Variants in OLFML2B observed in about 807,000 individuals in gnomAD.
The protein encoded by OLFML2B is olfactomedin like 2B, also known as olfactomedin-like protein 2B.
In OLFML2B, 57 loss-of-function variants were observed where a neutral mutation model predicts 74.9. That is an observed-to-expected ratio of 0.76 (90% confidence interval 0.61 to 0.95). The LOEUF (loss-of-function observed/expected upper bound fraction) is 0.95, where lower values mean the gene tolerates loss of function less well. Among genes scored for constraint, OLFML2B ranks in the 40% least tolerant of loss-of-function variants. OLFML2B has a pLI of 0.00. For synonymous variants in OLFML2B, 388 were observed against 405.8 expected (o/e 0.96, Z 0.53); for missense variants, 986 against 970.6 (o/e 1.02, Z -0.21).
At chr1:162,021,137 T>G (rs1017862916) in intron 1 of OLFML2B, among the ~76,000 whole-genome samples, 2 of 151,906 alleles carry the variant, frequency 1.3e-5, no homozygotes, top group Non-Finnish European at 2.9e-5. Context: ...CTTCGAGGAG[T>G]GGCATTTAAT....
rs1210312041 is a variant in OLFML2B, at chr1:161,998,191, G to T, written c.1108C>A (p.Pro370Thr). 6.2e-7 allele frequency: 1 copy of T among 1,614,076 alleles called. No individual in the cohort carries two copies. Among genetic ancestry groups the T allele is most frequent in the Admixed American group, 1.7e-5 (1 of 60,022 alleles). ...GGCTGTGGCAGTGCTGAGGACCAGG[G>T]TGCGGTCCGAGCGTTCAGGTCGCTT... ...VTSDLNARTA[P>T]WSSALPQPST... The change falls in exon 6 of 8, where the codon CCC becomes ACC. Residue 370 changes from proline to threonine, a missense_variant. Coordinates refer to ENST00000294794, the MANE Select transcript of OLFML2B (RefSeq NM_015441.3).
chr1:162,000,279 A>C lies in OLFML2B; in HGVS notation c.783T>G (p.Leu261=), dbSNP rs1690048018. ...GCAGAGCCAGGGGTCGCGTCTGCAG[A>C]AGTTCGATGGAGTTGATCTGCTGGG... is the stretch of plus-strand genomic sequence containing the variant. The part of the protein sequence containing the change: ...TVSQQINSIE[L]LQTRPLALPE... Residue 261 remains leucine (L), a synonymous_variant, in exon 5 of 8, where the codon CTT becomes CTG. Coordinates refer to ENST00000294794, the MANE Select transcript of OLFML2B (RefSeq NM_015441.3). The C allele has an allele frequency of 6.2e-7, 1 of 1,613,288 alleles. No homozygotes were observed. The highest frequency in any genetic ancestry group is 8.5e-7 in the Non-Finnish European group (1 of 1,180,004).
intron 3 of OLFML2B, among the ~76,000 whole-genome samples, chr1:162,013,164 C>T (rs980487881): frequency 6.6e-6 from 1 of 152,164 alleles, no homozygotes; most frequent in African/African-American, 2.4e-5. Flanking sequence ...TCTTTCTAGA[C>T]TTTTAACTCC....
At chr1:161,998,907 C>G (rs1690005013) in intron 5 of OLFML2B, among the ~76,000 whole-genome samples, 1 of 152,120 alleles carries the variant, frequency 6.6e-6, no homozygotes, top group Non-Finnish European at 1.5e-5. Context: ...GAGCAGCTGC[C>G]TGGAGGAGGT....
At chr1:162,006,862 C>A (rs1690249007) in intron 3 of OLFML2B, among the ~76,000 whole-genome samples, 1 of 152,130 alleles carries the variant, frequency 6.6e-6, no homozygotes, top group Non-Finnish European at 1.5e-5. Flanking sequence ...TACATCTGAA[C>A]CAGTAGCTCA....
intron 6 of OLFML2B, among the ~76,000 whole-genome samples, chr1:161,993,958 T>G (rs1263585247): frequency 6.6e-6 from 1 of 152,230 alleles, no homozygotes; most frequent in African/African-American, 2.4e-5. Context: ...GCTGTAGTGG[T>G]AGATGAATTA....
intron 6 of OLFML2B, among the ~76,000 whole-genome samples, chr1:161,997,412 A>G (rs1161224282): frequency 6.6e-6 from 1 of 152,144 alleles, no homozygotes; most frequent in Admixed American, 6.5e-5. Context: ...TCACTCTACT[A>G]CAAATCTGAG....
chr1:161,983,494 T>C lies in OLFML2B; in HGVS notation c.*181A>G, dbSNP rs1244865191. The C allele has an allele frequency of 1.6e-6, 1 of 631,806 alleles. No homozygotes were observed. Among genetic ancestry groups the C allele is most frequent in the Admixed American group, 3.1e-5 (1 of 31,936 alleles). 39.1% of individuals were successfully genotyped at this position (631,806 alleles called of 1,614,324 possible). The stretch of plus-strand genomic sequence containing the variant: ...AGGATGAGACCAGCACATACACGTA[T>C]GGATTGATCTACAATCCATATAAAA... On this transcript the variant is annotated 3_prime_UTR_variant, in exon 8 of 8. Coordinates refer to ENST00000294794, the MANE Select transcript of OLFML2B (RefSeq NM_015441.3).
chr1:161,985,711 C>A (rs1689575482), intron 6 of OLFML2B, among the ~76,000 whole-genome samples: 1 of 152,172 alleles, frequency 6.6e-6, no homozygotes, highest in Non-Finnish European at 1.5e-5. Context: ...TGTCCCCAAG[C>A]CTAAGCCCCT....
chr1:161,991,011 C>T (rs1330007799), intron 6 of OLFML2B, among the ~76,000 whole-genome samples: 1 of 152,176 alleles, frequency 6.6e-6, no homozygotes, highest in African/African-American at 2.4e-5. Context: ...CAATTCAGTC[C>T]CATCTTCAGG....
At chr1:162,022,244 C>CTTTTTTTTTTTTTT (rs56395023) in intron 1 of OLFML2B, among the ~76,000 whole-genome samples, 2 of 70,774 alleles carry the variant, frequency 2.8e-5, no homozygotes, top group African/African-American at 5.9e-5. Context: ...TGTATCTCTT[C>CTTTTTTTTTTTTTT]TTTTTTTTTT....
chr1:161,983,318 C>T lies in OLFML2B; in HGVS notation c.*357G>A, dbSNP rs16834849. Reference sequence around the variant, plus strand: ...CTTTCTTGCCTCTTTCATTTCTGCTCCTGGTGTTGCCTGCCTCCTGCAAGA... The same window carrying T: ...CTTTCTTGCCTCTTTCATTTCTGCTTCTGGTGTTGCCTGCCTCCTGCAAGA... On this transcript the variant is annotated 3_prime_UTR_variant, in exon 8 of 8. Transcript: ENST00000294794. 2,879 of 173,492 alleles carry T rather than the reference C, an allele frequency of 0.017. 164 individuals are homozygous for T. The East Asian group carries it at 0.21, about 13-fold the overall frequency. The allele number at this position is 173,492 out of a possible 1,614,324, so 10.7% of individuals were successfully genotyped here. A position where few individuals can be genotyped will look rare whatever the true frequency, so the allele number is the denominator to read the frequency against.
At chr1:162,017,377 A>G (rs200626266) in intron 3 of OLFML2B, 23 bp downstream of exon 3, 2 of 1,580,272 alleles carry the variant, frequency 1.3e-6, no homozygotes, top group South Asian at 1.1e-5. Flanking sequence ...AGAAAAAGAT[A>G]TAGAAACCAG....
At chr1:162,002,282 G>T (rs534111565) in intron 4 of OLFML2B, among the ~76,000 whole-genome samples, 3 of 152,194 alleles carry the variant, frequency 2.0e-5, no homozygotes, top group Non-Finnish European at 4.4e-5. Context: ...TGAAGAGGCG[G>T]CTTCCTGCAG....
At position 161,984,818 on chromosome 1, in the gene OLFML2B, T is replaced by C. The variant is rs1558051638; in HGVS notation, c.1637A>G (p.Glu546Gly). The C allele has an allele frequency of 6.2e-7, 1 of 1,613,676 alleles. No homozygotes were observed. The highest frequency in any genetic ancestry group is 8.5e-7 in the Non-Finnish European group (1 of 1,179,854). Residue 546 changes from glutamate (E) to glycine (G), a missense_variant, in exon 7 of 8, where the codon GAG becomes GGG. By Grantham distance (98) the Glu-to-Gly change is moderately conservative. Coordinates refer to ENST00000294794, the MANE Select transcript of OLFML2B (RefSeq NM_015441.3). ...GNTLVEFRNL[E>G]NFKQGRWSNS... ...TTATCATGTACCTTGTTTGAAGTTC[T>C]CCAGGTTCCGGAACTCTACCAGGGT... is the stretch of plus-strand genomic sequence containing the variant.
In OLFML2B at chr1:161,984,175, T is replaced by C. The variant is rs1422576217; in HGVS notation, c.1753A>G (p.Ile585Val). The C allele has an allele frequency of 1.9e-6, 3 of 1,605,286 alleles. No homozygotes were observed. The highest frequency in any genetic ancestry group is 2.6e-6 in the Non-Finnish European group (3 of 1,175,504). Residue 585 changes from isoleucine (I) to valine (V), a missense_variant, in exon 8 of 8, where the codon ATC becomes GTC. Physicochemically the swap from Ile to Val is conservative, Grantham distance 29. Coordinates refer to ENST00000294794, the MANE Select transcript of OLFML2B (RefSeq NM_015441.3). Reference sequence around the variant, plus strand: ...CGCTGCTTCAGGTCGTACTTGATGATGTTGCGGGTGAAGGCGCGATTGTAG... The same window carrying C: ...CGCTGCTTCAGGTCGTACTTGATGACGTTGCGGGTGAAGGCGCGATTGTAG... ...FYYNRAFTRN[I>V]IKYDLKQRYV...
At chr1:161,995,135 C>A (rs1203545924) in intron 6 of OLFML2B, among the ~76,000 whole-genome samples, 1 of 152,234 alleles carries the variant, frequency 6.6e-6, no homozygotes, top group African/African-American at 2.4e-5. Context: ...ACACCAACAG[C>A]AGCCAGAGGG....
rs1200916804 is a variant in OLFML2B at position 161,983,908 on chromosome 1, C to G, written c.2020G>C (p.Gly674Arg). ...WRTGLRRNFYGNCFVICGVLY... is the reference protein window; with the variant it reads ...WRTGLRRNFYRNCFVICGVLY... ...ACCCCACAGATGACGAAGCAGTTGCCGTAGAAATTCCTCCGGAGCCCCGTG... is the reference window on the plus strand; with the variant it reads ...ACCCCACAGATGACGAAGCAGTTGCGGTAGAAATTCCTCCGGAGCCCCGTG... Residue 674 changes from glycine (G) to arginine (R), a missense_variant, in exon 8 of 8, where the codon GGC (glycine) becomes CGC (arginine). Coordinates refer to ENST00000294794, the MANE Select transcript of OLFML2B (RefSeq NM_015441.3). 4 of 1,614,086 alleles carry G rather than the reference C, an allele frequency of 2.5e-6. No homozygotes were observed. The East Asian group carries it at 6.7e-5, about 27-fold the overall frequency.
chr1:161,986,197 T>G lies in OLFML2B; in HGVS notation c.1475-1217A>C, dbSNP rs538435482. ...CCACCTGCCATCATGACGACACTGATGGGTGATGAGAATAATTGGTCCTTG... is the reference window on the plus strand; with the variant it reads ...CCACCTGCCATCATGACGACACTGAGGGGTGATGAGAATAATTGGTCCTTG... On this transcript the variant is annotated intron_variant, in intron 6 of 7. Transcript: ENST00000294794. 4.6e-5 allele frequency among the ~76,000 whole-genome samples: 7 copies of G among 152,250 alleles called. 1 individual carries two copies. The highest frequency in any genetic ancestry group is 1.3e-4 in the Admixed American group (2 of 15,298).
Sources: gnomAD v4.1 joint callset for allele counts (sites outside exome capture counted in the v4.1 genomes callset) on GRCh38, gnomAD v4.1.1 for gene constraint, MANE v1.5 for transcripts, NCBI Gene and HGNC (gene_info 2026-07-23, HGNC 2026-07-21) for gene names.